The following SEL1L2 variants were observed in gnomAD, a reference collection of about 807,000 sequenced individuals.
The protein encoded by SEL1L2 is SEL1L2 adaptor subunit of SYVN1 ubiquitin ligase.
A neutral mutation model predicts 98.8 loss-of-function variants in SEL1L2; 89 were observed. That is an observed-to-expected ratio of 0.90 (90% confidence interval 0.76 to 1.07). The LOEUF is 1.07. SEL1L2 is among the 50% of genes least tolerant of loss of function. SEL1L2 has a pLI of 0.00. For missense variants in SEL1L2, 788 were observed against 812.0 expected (o/e 0.97, Z 0.36); for synonymous variants, 262 against 278.5 (o/e 0.94, Z 0.59).
chr20:13,874,445 C>T (rs189869485), intron 12 of SEL1L2, among the ~76,000 whole-genome samples: 6 of 152,206 alleles, frequency 3.9e-5, no homozygotes, highest in Admixed American at 1.3e-4. Context: ...TCGGGTTCAG[C>T]GCACCGGAGA....
rs1040964939 is a variant in SEL1L2, at chr20:13,934,919, G to A, written c.115-3148C>T. Among the ~76,000 whole-genome samples, 3 of 152,072 alleles carry A rather than the reference G, an allele frequency of 2.0e-5. No homozygotes were observed. The South Asian group carries it at 6.2e-4, about 32-fold the overall frequency. On this transcript the variant is annotated intron_variant, in intron 2 of 19. Coordinates refer to ENST00000284951, the MANE Select transcript of SEL1L2 (RefSeq NM_025229.2). ...TGGCCGAGAAACATAATCTATTTAG[G>A]TATCTGGAAGAAGAGAACATGGATT...
intron 5 of SEL1L2, among the ~76,000 whole-genome samples, chr20:13,892,340 C>T (rs1182493917): frequency 5.3e-5 from 8 of 151,758 alleles, no homozygotes; most frequent in African/African-American, 1.9e-4. Flanking sequence ...ATCCCAGCTA[C>T]TTGGGAAGCT....
chr20:13,933,186 G>A (rs1239093410), intron 2 of SEL1L2, among the ~76,000 whole-genome samples: 1 of 151,738 alleles, frequency 6.6e-6, no homozygotes, highest in Non-Finnish European at 1.5e-5. Context: ...TCCAGCCAGC[G>A]TACTCCAGAG....
intron 4 of SEL1L2, among the ~76,000 whole-genome samples, chr20:13,917,235 T>G (rs2048444974): frequency 6.6e-6 from 1 of 152,150 alleles, no homozygotes; most frequent in Non-Finnish European, 1.5e-5. Flanking sequence ...ATTTAGCCAG[T>G]GGGCATGTTA....
At chr20:13,984,266 C>A (rs1019285972) in intron 1 of SEL1L2, among the ~76,000 whole-genome samples, 23 of 152,300 alleles carry the variant, frequency 1.5e-4, no homozygotes, top group African/African-American at 5.5e-4. Flanking sequence ...CCCGCCTTGG[C>A]CTCCCAAAGT....
At chr20:13,990,620 G>C (rs761913454), upstream of SEL1L2, 13 of 996,740 alleles carry the variant, frequency 1.3e-5, no homozygotes, top group Non-Finnish European at 2.0e-5. Flanking sequence ...GGACTGTGGT[G>C]GGGGCAGGAG....
At chr20:13,873,192 G>T (rs561705200) in intron 12 of SEL1L2, among the ~76,000 whole-genome samples, 2 of 151,728 alleles carry the variant, frequency 1.3e-5, no homozygotes, top group South Asian at 4.2e-4. Context: ...ATTTCACCAT[G>T]TTGACCAGGC....
At chr20:13,984,940 T>C (rs1249898579) in intron 1 of SEL1L2, among the ~76,000 whole-genome samples, 2 of 152,216 alleles carry the variant, frequency 1.3e-5, no homozygotes, top group African/African-American at 4.8e-5. Flanking sequence ...TATCACTTCT[T>C]TGTGTTTGGA....
chr20:13,945,487 T>TA (rs1414458949), intron 2 of SEL1L2, among the ~76,000 whole-genome samples: 3 of 146,318 alleles, frequency 2.1e-5, no homozygotes, highest in Non-Finnish European at 4.5e-5. Flanking sequence ...AATATATACA[T>TA]ATATATATAT....
chr20:13,861,168 T>A (rs1990072577), intron 17 of SEL1L2, among the ~76,000 whole-genome samples: 2 of 152,126 alleles, frequency 1.3e-5, no homozygotes, highest in African/African-American at 2.4e-5. Context: ...GATGATCTTT[T>A]TTTTTATTTT....
intron 2 of SEL1L2, among the ~76,000 whole-genome samples, chr20:13,951,984 C>T (rs1464649222): frequency 6.6e-6 from 1 of 152,052 alleles, no homozygotes; most frequent in African/African-American, 2.4e-5. Context: ...TGGAAATAAA[C>T]AGGATACTCA....
At chr20:13,917,405 CA>C (rs989770327) in intron 4 of SEL1L2, among the ~76,000 whole-genome samples, 1 of 152,166 alleles carries the variant, frequency 6.6e-6, no homozygotes, top group Non-Finnish European at 1.5e-5. Flanking sequence ...GGAAGTATTA[CA>C]TCATCTTTTT....
chr20:13,916,818 C>T (rs2048425600), intron 4 of SEL1L2, among the ~76,000 whole-genome samples: 1 of 151,802 alleles, frequency 6.6e-6, no homozygotes, highest in Non-Finnish European at 1.5e-5. Flanking sequence ...AAAAAGGTGG[C>T]GGGGGTGGTC....
upstream of SEL1L2, chr20:13,990,753 T>C (rs2148595688): frequency 1.9e-6 from 1 of 515,752 alleles, no homozygotes; most frequent in South Asian, 2.9e-5. Context: ...CTGCTATTCC[T>C]CTGGCTGAAG....
chr20:13,979,233 T>A (rs1179233954), intron 1 of SEL1L2, among the ~76,000 whole-genome samples: 4 of 152,114 alleles, frequency 2.6e-5, no homozygotes, highest in African/African-American at 4.8e-5. Flanking sequence ...AGAGTAGAAT[T>A]GTGGTTATTA....
chr20:13,859,570 A>G (rs1013266405), intron 17 of SEL1L2, 136 bp from the exon 18 acceptor site: 4 of 679,092 alleles, frequency 5.9e-6, no homozygotes, highest in African/African-American at 5.4e-5. Context: ...AAGGAACCAA[A>G]AACACTCAGA....
At chr20:13,908,932 A>G (rs2048097654) in intron 5 of SEL1L2, among the ~76,000 whole-genome samples, 1 of 151,872 alleles carries the variant, frequency 6.6e-6, no homozygotes, top group South Asian at 2.1e-4. Context: ...TATCTCCTCA[A>G]TGTCACTTTA....
At chr20:13,953,975 G>A (rs1159993763) in intron 2 of SEL1L2, among the ~76,000 whole-genome samples, 1 of 152,168 alleles carries the variant, frequency 6.6e-6, no homozygotes, top group Non-Finnish European at 1.5e-5. Flanking sequence ...CTTTAATGTG[G>A]AAGGAAATAG....
At chr20:13,949,768 G>T (rs2050185399) in intron 2 of SEL1L2, among the ~76,000 whole-genome samples, 1 of 150,442 alleles carries the variant, frequency 6.6e-6, no homozygotes, top group Admixed American at 6.6e-5. Flanking sequence ...CATGTAAAAT[G>T]GTGCAGCCAC....
Sources: allele counts gnomAD v4.1 joint callset (sites outside exome capture counted in the v4.1 genomes callset), GRCh38; gene constraint gnomAD v4.1.1; transcripts MANE v1.5; gene names NCBI Gene and HGNC (gene_info 2026-07-23, HGNC 2026-07-21).